Variants in HMCN2 observed in about 807,000 individuals in gnomAD.
The protein encoded by HMCN2 is hemicentin-2.
Under a neutral mutation model 377.5 loss-of-function variants are expected in HMCN2, and 325 were observed. That is an observed-to-expected ratio of 0.86 (90% confidence interval 0.79 to 0.94). The LOEUF (loss-of-function observed/expected upper bound fraction) is 0.94, where lower values mean the gene tolerates loss of function less well. HMCN2 is among the 40% of genes least tolerant of loss of function. The pLI, the probability that HMCN2 is intolerant of heterozygous loss-of-function variation, is 0.00. For synonymous variants in HMCN2, 2,007 were observed against 2,046.8 expected, an observed-to-expected ratio of 0.98 and a Z score of 0.53; for missense variants, 4,543 against 4,725.3, an observed-to-expected ratio of 0.96 and a Z score of 1.13.
At chr9:130,399,096 T>A (rs1207644917) in intron 75 of HMCN2, among the ~76,000 whole-genome samples, 2 of 150,728 alleles carry the variant, frequency 1.3e-5, no homozygotes, top group Non-Finnish European at 3.0e-5. Flanking sequence ...CTACAGAAAA[T>A]TTAAAAATTA....
Position 130,391,983 on chromosome 9 carries a change from G to T in HMCN2, c.10001G>T (p.Ser3334Ile). The T allele has an allele frequency of 1.0e-6, 1 of 988,328 alleles. No homozygotes were observed. The highest frequency in any genetic ancestry group is 1.2e-6 in the Non-Finnish European group (1 of 830,332). 61.2% of individuals were successfully genotyped at this position (988,328 alleles called of 1,614,324 possible). A position where few individuals can be genotyped will look rare whatever the true frequency, so the allele number is the denominator to read the frequency against. ...QGADGSGTLV[S>I]RPGELVTMVC... ...GCAGACGGCTCGGGGACCCTGGTGA[G>T]CAGGCCTGGGGAGCTGGTGACCATG... is the stretch of plus-strand genomic sequence containing the variant. The change falls in exon 66 of 98, where the codon AGC (serine) becomes ATC (isoleucine). Residue 3334 changes from serine (S) to isoleucine (I), a missense_variant. Ser to Ile is a moderately radical substitution (Grantham distance 142). This residue lies in a region of HMCN2 where 1,073 missense variants were observed against 1,319.5 expected (regional missense o/e 0.81). Coordinates refer to ENST00000683500, the MANE Select transcript of HMCN2 (RefSeq NM_001291815.2).
intron 75 of HMCN2, 58 bp downstream of exon 75, chr9:130,398,765 C>A: frequency 8.1e-7 from 1 of 1,240,100 alleles, no homozygotes; most frequent in Non-Finnish European, 1.1e-6. Context: ...GAGGCACTCT[C>A]TTCTCACGGG....
chr9:130,349,428 G>T, intron 28 of HMCN2, 109 bp from the exon 29 acceptor site: 1 of 1,195,006 alleles, frequency 8.4e-7, no homozygotes, highest in Non-Finnish European at 1.1e-6. Flanking sequence ...AGGAAGGTCA[G>T]GTAGGAGGGG....
intron 86 of HMCN2, among the ~76,000 whole-genome samples, chr9:130,420,830 G>A (rs1843965317): frequency 6.6e-6 from 1 of 152,110 alleles, no homozygotes; most frequent in Non-Finnish European, 1.5e-5. Context: ...CACATTCTGA[G>A]GTCCTGGGGG....
intron 57 of HMCN2, among the ~76,000 whole-genome samples, chr9:130,383,952 C>T (rs1482334477): frequency 1.3e-5 from 2 of 152,146 alleles, no homozygotes; most frequent in African/African-American, 4.8e-5. Context: ...TCAGGGAGGT[C>T]GCCCTCAGAG....
chr9:130,406,179 G>A lies in HMCN2; in HGVS notation c.12553+11G>A. 7.8e-7 allele frequency: 1 copy of A among 1,289,664 alleles called. No individual in the cohort carries two copies. The highest frequency in any genetic ancestry group is 5.6e-5 in the East Asian group (1 of 18,014). The allele number at this position is 1,289,664 out of a possible 1,614,324, so 79.9% of individuals were successfully genotyped here. A position where few individuals can be genotyped will look rare whatever the true frequency, so the allele number is the denominator to read the frequency against. ...ACCGGCCAGTCACAGGTCTGGGTCT[G>A]CTGGGCATGGGTGGGACAGAGAGCC... is the stretch of plus-strand genomic sequence containing the variant. On this transcript the variant is annotated intron_variant, in intron 82 of 97. Transcript: ENST00000683500.
chr9:130,389,388 G>A (rs1054014149), intron 62 of HMCN2, among the ~76,000 whole-genome samples: 5 of 151,736 alleles, frequency 3.3e-5, no homozygotes, highest in Admixed American at 6.6e-5. Flanking sequence ...ATCACTCCCC[G>A]TTTTCTCCCC....
chr9:130,413,638 G>A (rs1843533279), intron 85 of HMCN2, among the ~76,000 whole-genome samples: 1 of 152,178 alleles, frequency 6.6e-6, no homozygotes, highest in Non-Finnish European at 1.5e-5. Flanking sequence ...GCATGGTGGT[G>A]AATGCCCTGG....
chr9:130,405,417 G>A (rs1333051009), intron 81 of HMCN2, among the ~76,000 whole-genome samples: 1 of 152,218 alleles, frequency 6.6e-6, no homozygotes, highest in Non-Finnish European at 1.5e-5. Context: ...GTTGAGCCAG[G>A]GGTATGGGTG....
intron 86 of HMCN2, chr9:130,419,318 A>G (rs1407428724): frequency 3.2e-6 from 1 of 307,692 alleles, no homozygotes; most frequent in Admixed American, 4.9e-5. Context: ...GACACTGCAC[A>G]GCCCCTGGAA....
chr9:130,388,635 T>A (rs1842139398), intron 62 of HMCN2, 95 bp downstream of exon 62: 1 of 910,554 alleles, frequency 1.1e-6, no homozygotes, highest in Non-Finnish European at 1.3e-6. Flanking sequence ...TGGTTGTTGA[T>A]GATCTTGGCA....
At chr9:130,412,220 C>T (rs1843463929) in intron 85 of HMCN2, among the ~76,000 whole-genome samples, 2 of 152,228 alleles carry the variant, frequency 1.3e-5, no homozygotes, top group African/African-American at 4.8e-5. Flanking sequence ...GATCCACCTG[C>T]CTTGGCCCCC....
chr9:130,405,993 C>G lies in HMCN2; in HGVS notation c.12378C>G (p.Asn4126Lys). 1 of 1,289,618 alleles carries G rather than the reference C, an allele frequency of 7.8e-7. No individual in the cohort carries two copies. The highest frequency in any genetic ancestry group is 1.0e-6 in the Non-Finnish European group (1 of 988,788). 79.9% of individuals were successfully genotyped at this position (1,289,618 alleles called of 1,614,324 possible). The change falls in exon 82 of 98, where the codon AAC becomes AAG. Residue 4126 changes from asparagine to lysine, a missense_variant. Asn to Lys is a moderately conservative substitution (Grantham distance 94). Transcript: ENST00000683500. ...GCACCTATACCTGTACCGCTGAGAA[C>G]GCCGTGGGCCGGGCCCGCCGCCGCG... ...DAGTYTCTAE[N>K]AVGRARRRVH...
chr9:130,370,100 T>C (rs975435598), intron 45 of HMCN2, among the ~76,000 whole-genome samples: 5 of 152,182 alleles, frequency 3.3e-5, no homozygotes, highest in African/African-American at 1.2e-4. Flanking sequence ...CTCTTGGGTT[T>C]ACTCTTCCTC....
intron 4 of HMCN2, among the ~76,000 whole-genome samples, chr9:130,286,796 C>T (rs1835437639): frequency 6.6e-6 from 1 of 152,200 alleles, no homozygotes; most frequent in Non-Finnish European, 1.5e-5. Context: ...GGCTGGCTTG[C>T]TGTGTGGCCT....
chr9:130,415,039 GA>G (rs1014578336), intron 85 of HMCN2, among the ~76,000 whole-genome samples: 3 of 151,994 alleles, frequency 2.0e-5, no homozygotes, highest in Non-Finnish European at 4.4e-5. Flanking sequence ...AGCCCCACTT[GA>G]AGCGCCAACT....
intron 4 of HMCN2, among the ~76,000 whole-genome samples, chr9:130,289,817 T>C (rs1002281481): frequency 2.6e-5 from 4 of 152,034 alleles, no homozygotes; most frequent in Non-Finnish European, 5.9e-5. Flanking sequence ...CTGACTAGGG[T>C]TCTCTCTCTG....
intron 85 of HMCN2, among the ~76,000 whole-genome samples, chr9:130,417,245 G>A (rs1843742845): frequency 6.6e-6 from 1 of 152,044 alleles, no homozygotes; most frequent in African/African-American, 2.4e-5. Context: ...GCCGGGGCCG[G>A]ACATGGTCGC....
At position 130,394,621 on chromosome 9, in the gene HMCN2, G is replaced by A. The variant is rs1301540705; in HGVS notation, c.10692+46G>A. ...GGGCGAGGCTGGGGGTTGGGGGAGA[G>A]GGGAGGGACTGCAGGTTCCCCAGAC... is the stretch of plus-strand genomic sequence containing the variant. On this transcript the variant is annotated intron_variant, in intron 69 of 97. Transcript: ENST00000683500. The surrounding 1 kb of genome is among the most constrained non-coding windows in gnomAD (Gnocchi z 5.1). 1 of 1,233,086 alleles carries A rather than the reference G, an allele frequency of 8.1e-7. No individual in the cohort carries two copies. The highest frequency in any genetic ancestry group is 1.4e-5 in the South Asian group (1 of 72,930). The allele number at this position is 1,233,086 out of a possible 1,614,324, so 76.4% of individuals were successfully genotyped here.
Sources: allele counts gnomAD v4.1 joint callset (sites outside exome capture counted in the v4.1 genomes callset), GRCh38; gene constraint gnomAD v4.1.1; regional missense constraint gnomAD v4.1.1; non-coding constraint Gnocchi (gnomAD v3.1); transcripts MANE v1.5; gene names NCBI Gene and HGNC (gene_info 2026-07-23, HGNC 2026-07-21).